Variants in NR3C1 observed in about 807,000 individuals in gnomAD.
NR3C1 encodes the protein nuclear receptor subfamily 3 group C member 1, also known as glucocorticoid receptor.
A neutral mutation model predicts 74.0 loss-of-function variants in NR3C1; 14 were observed. The observed-to-expected ratio is 0.19, with a 90% CI of 0.12 to 0.30. The LOEUF (loss-of-function observed/expected upper bound fraction) is 0.30, where lower values mean the gene tolerates loss of function less well. Ranked by LOEUF, NR3C1 falls within the 10% of genes least tolerant of loss-of-function variation. NR3C1 has a pLI of 1.00. For synonymous variants in NR3C1, 308 were observed against 332.5 expected (o/e 0.93, Z 0.80); for missense variants, 695 against 909.8 (o/e 0.76, Z 3.04).
chr5:143,291,102 A>G (rs894414442), intron 7 of NR3C1, among the ~76,000 whole-genome samples: 6 of 152,134 alleles, frequency 3.9e-5, no homozygotes, highest in Middle Eastern at 3.4e-3. Context: ...CTTTAGTTCT[A>G]CTTTTTAGCC....
chr5:143,430,679 G>A (rs1751774333), intron 1 of NR3C1, among the ~76,000 whole-genome samples: 1 of 152,176 alleles, frequency 6.6e-6, no homozygotes, highest in Non-Finnish European at 1.5e-5. Flanking sequence ...GAACTAGGAT[G>A]CAGGCCTTTA....
intron 4 of NR3C1, among the ~76,000 whole-genome samples, chr5:143,303,592 A>G (rs1818953554): frequency 1.3e-5 from 2 of 152,098 alleles, no homozygotes; most frequent in Admixed American, 6.6e-5. Context: ...CAAGGGAAAC[A>G]TCATTCTAAT....
intron 2 of NR3C1, among the ~76,000 whole-genome samples, chr5:143,372,425 T>C (rs72801080): frequency 0.1 from 15,962 of 152,240 alleles, 1,131 homozygotes; most frequent in Non-Finnish European, 0.16. Context: ...ACCTACAGCA[T>C]GGAGATGCTG....
chr5:143,404,282 G>C, upstream of NR3C1: 2 of 985,646 alleles, frequency 2.0e-6, no homozygotes, highest in Non-Finnish European at 1.2e-6. Context: ...CGGTGCCGCA[G>C]CGTCTCGGCC....
intron 3 of NR3C1, among the ~76,000 whole-genome samples, chr5:143,313,781 C>T (rs1821473509): frequency 6.6e-6 from 1 of 152,126 alleles, no homozygotes; most frequent in Non-Finnish European, 1.5e-5. Flanking sequence ...TGACCAAACT[C>T]CCAGACATCA....
chr5:143,415,958 C>T (rs1389357089), intron 1 of NR3C1, among the ~76,000 whole-genome samples: 1 of 152,262 alleles, frequency 6.6e-6, no homozygotes, highest in East Asian at 1.9e-4. Flanking sequence ...TAGCTGGAGA[C>T]CCCTCATGTT....
chr5:143,358,484 T>C (rs781275723), intron 2 of NR3C1, among the ~76,000 whole-genome samples: 8 of 152,210 alleles, frequency 5.3e-5, no homozygotes, highest in Non-Finnish European at 8.8e-5. Context: ...AATTATATTG[T>C]GTAAATATTA....
intron 2 of NR3C1, among the ~76,000 whole-genome samples, chr5:143,345,777 T>C (rs996106032): frequency 3.3e-5 from 5 of 152,240 alleles, no homozygotes; most frequent in South Asian, 2.1e-4. Flanking sequence ...CTTAAATGTA[T>C]ATATATAGCT....
At chr5:143,316,068 A>G (rs1467834537) in intron 2 of NR3C1, among the ~76,000 whole-genome samples, 1 of 152,244 alleles carries the variant, frequency 6.6e-6, no homozygotes, top group Non-Finnish European at 1.5e-5. Context: ...TGGACTGACT[A>G]CACGTCGAAA....
At chr5:143,405,997 CAAT>C (rs1841086612), upstream of NR3C1, among the ~76,000 whole-genome samples, 1 of 152,112 alleles carries the variant, frequency 6.6e-6, no homozygotes, top group Admixed American at 6.5e-5. Flanking sequence ...CCCAACCCTA[CAAT>C]AATGTTTTAC....
chr5:143,406,102 T>C (rs958762787), upstream of NR3C1, among the ~76,000 whole-genome samples: 16 of 151,412 alleles, frequency 1.1e-4, no homozygotes, highest in African/African-American at 3.9e-4. Flanking sequence ...TATACATGTA[T>C]GTATACATAT....
In NR3C1 at chr5:143,399,248, TGTAA is replaced by T. The variant is rs1164180115; in HGVS notation, c.1184+404_1184+407del. Among the ~76,000 whole-genome samples the T allele has an allele frequency of 7.2e-5, 11 of 152,344 alleles. No individual in the cohort carries two copies. The East Asian group carries it at 1.2e-3, about 16-fold the overall frequency. ...AATAAGGCAGCACAACTTTTGACTATGTAAGTAAGGGTATCATTTATTGTAATAT... is the reference window on the plus strand; with the variant it reads ...AATAAGGCAGCACAACTTTTGACTATGTAAGGGTATCATTTATTGTAATAT... On this transcript the variant is annotated intron_variant, in intron 2 of 8. Transcript: ENST00000394464.
rs1169361266 is a variant in NR3C1 at position 143,435,405 on chromosome 5, C to A, written c.-887G>T. 6.1e-6 allele frequency: 6 copies of A among 985,402 alleles called. No individual in the cohort carries two copies. In the East Asian group the frequency reaches 4.5e-4, roughly 75 times the overall value. The allele number at this position is 985,402 out of a possible 1,614,324, so 61.0% of individuals were successfully genotyped here. On this transcript the variant is annotated 5_prime_UTR_variant, in exon 1 of 9. Transcript: ENST00000343796. ...TTCCCCAGCAGAAGTGAAAGTGATT[C>A]GCCTCTACTCAAATGTCTGCATAGG...
At chr5:143,342,225 T>C (rs1449403625) in intron 2 of NR3C1, among the ~76,000 whole-genome samples, 1 of 152,268 alleles carries the variant, frequency 6.6e-6, no homozygotes, top group Admixed American at 6.5e-5. Context: ...GATCATACTA[T>C]AATGACGGAG....
chr5:143,430,682 G>A (rs1751774530), intron 1 of NR3C1, among the ~76,000 whole-genome samples: 1 of 152,134 alleles, frequency 6.6e-6, no homozygotes, highest in South Asian at 2.1e-4. Flanking sequence ...CTAGGATGCA[G>A]GCCTTTACCA....
chr5:143,409,186 A>G (rs1246932864), intron 1 of NR3C1: 1 of 152,186 alleles, frequency 6.6e-6, no homozygotes, highest in African/African-American at 2.4e-5. Context: ...TTCCAGGGAG[A>G]CTGGAGAACT....
At chr5:143,416,676 T>TG (rs1841487229) in intron 1 of NR3C1, among the ~76,000 whole-genome samples, 1 of 152,082 alleles carries the variant, frequency 6.6e-6, no homozygotes, top group South Asian at 2.1e-4. Flanking sequence ...GTCTAAAACA[T>TG]GGGGGTGTTG....
chr5:143,345,376 A>T (rs1829084939), intron 2 of NR3C1, among the ~76,000 whole-genome samples: 1 of 152,008 alleles, frequency 6.6e-6, no homozygotes, highest in Admixed American at 6.5e-5. Flanking sequence ...CACCTGGCTA[A>T]TTTTTGTATT....
At chr5:143,358,582 C>A (rs1316077759) in intron 2 of NR3C1, among the ~76,000 whole-genome samples, 1 of 152,172 alleles carries the variant, frequency 6.6e-6, no homozygotes, top group Non-Finnish European at 1.5e-5. Context: ...AGTTTCCAAA[C>A]CCTTAGCAAA....
Sources: gnomAD v4.1 joint callset for allele counts (sites outside exome capture counted in the v4.1 genomes callset) on GRCh38, gnomAD v4.1.1 for gene constraint, MANE v1.5 for transcripts, NCBI Gene and HGNC (gene_info 2026-07-23, HGNC 2026-07-21) for gene names.